GULP1: variants seen among roughly 807,000 people sequenced by gnomAD.
GULP1 encodes GULP PTB domain containing engulfment adaptor 1.
A neutral mutation model predicts 40.9 loss-of-function variants in GULP1; 19 were observed. The observed-to-expected ratio is 0.46, with a 90% confidence interval of 0.32 to 0.68. The LOEUF (loss-of-function observed/expected upper bound fraction) is 0.68. GULP1 is among the 30% of genes least tolerant of loss of function. GULP1 has a pLI of 0.03. For missense variants in GULP1, 312 were observed against 362.2 expected, an observed-to-expected ratio of 0.86 and a Z score of 1.12; for synonymous variants, 119 against 117.6, an observed-to-expected ratio of 1.01 and a Z score of -0.08.
intron 1 of GULP1, among the ~76,000 whole-genome samples, chr2:188,364,911 C>A (rs1271708685): frequency 1.4e-5 from 2 of 146,942 alleles, no homozygotes; most frequent in Non-Finnish European, 3.0e-5. Context: ...AATACACACA[C>A]ACACACATAT....
At chr2:188,430,074 T>TTA (rs2152813678) in intron 2 of GULP1, among the ~76,000 whole-genome samples, 1 of 152,268 alleles carries the variant, frequency 6.6e-6, no homozygotes, top group Admixed American at 6.5e-5. Flanking sequence ...CCCCTAGCAA[T>TTA]AGCTCTAAGT....
At chr2:188,323,650 A>ATG (rs112584285) in intron 1 of GULP1, among the ~76,000 whole-genome samples, 1,636 of 143,640 alleles carry the variant, frequency 0.011, 17 homozygotes, top group Non-Finnish European at 0.018. Flanking sequence ...ATCTGAAGAT[A>ATG]TGTGTGTGTG....
chr2:188,492,937 G>T (rs1324990361), intron 4 of GULP1, among the ~76,000 whole-genome samples: 1 of 151,992 alleles, frequency 6.6e-6, no homozygotes, highest in Non-Finnish European at 1.5e-5. Flanking sequence ...TTAAATTTCT[G>T]CCTGGTAGCA....
chr2:188,324,498 T>A lies in GULP1; in HGVS notation c.-172+32332T>A, dbSNP rs189880710. ...CTCCCTTATTAGATGCCTGTACATT[T>A]TAAGTTGAACTTTAAAGACATTGAA... On this transcript the variant is annotated intron_variant, in intron 1 of 11. Coordinates refer to ENST00000409830, the MANE Select transcript of GULP1 (RefSeq NM_016315.4). Among the ~76,000 whole-genome samples, 1,117 of 152,228 alleles carry A rather than the reference T, an allele frequency of 7.3e-3. 8 individuals are homozygous for A. Among genetic ancestry groups the A allele is most frequent in the African/African-American group, 0.026 (1,063 of 41,560 alleles).
intron 4 of GULP1, among the ~76,000 whole-genome samples, chr2:188,494,432 A>G (rs1025911669): frequency 2.0e-5 from 3 of 151,962 alleles, no homozygotes; most frequent in African/African-American, 7.2e-5. Flanking sequence ...ATCTTATAGT[A>G]ATATATATAT....
In GULP1 at chr2:188,407,795, A is replaced by C. The variant is rs558086250; in HGVS notation, c.-45+23906A>C. On this transcript the variant is annotated intron_variant, in intron 2 of 11. Transcript: ENST00000409830. ...GGCAGTAATAAATCGTTTCCTATCA[A>C]TAATTACCTTGAATGTTAATGGATT... 2.0e-5 allele frequency among the ~76,000 whole-genome samples: 3 copies of C among 152,348 alleles called. No homozygotes were observed. In the South Asian group the frequency reaches 6.2e-4, roughly 32 times the overall value.
chr2:188,385,725 CCT>C (rs1057044141), intron 2 of GULP1, among the ~76,000 whole-genome samples: 1 of 152,146 alleles, frequency 6.6e-6, no homozygotes, highest in African/African-American at 2.4e-5. Flanking sequence ...CCCGAAATCA[CCT>C]CTCTCAAGTT....
rs892271245 is a variant in GULP1, at chr2:188,595,302, T to G, written c.*1291T>G. 5.3e-5 allele frequency: 8 copies of G among 151,786 alleles called. No homozygotes were observed. The highest frequency in any genetic ancestry group is 1.0e-4 in the Non-Finnish European group (7 of 67,724). 9.4% of individuals were successfully genotyped at this position (151,786 alleles called of 1,614,324 possible). On this transcript the variant is annotated 3_prime_UTR_variant, in exon 12 of 12. Transcript: ENST00000409830. Reference sequence around the variant, plus strand: ...TAAATTAAATTAATGAAAATGTGACTTAGAGTAGGGGTAGCCCTCAAAAAT... The same window carrying G: ...TAAATTAAATTAATGAAAATGTGACGTAGAGTAGGGGTAGCCCTCAAAAAT...
At chr2:188,406,332 A>G (rs1575052542) in intron 2 of GULP1, among the ~76,000 whole-genome samples, 1 of 152,200 alleles carries the variant, frequency 6.6e-6, no homozygotes, top group African/African-American at 2.4e-5. Context: ...TGAAAATACT[A>G]TATTATAATC....
At chr2:188,329,893 A>G (rs577548003) in intron 1 of GULP1, among the ~76,000 whole-genome samples, 43 of 152,134 alleles carry the variant, frequency 2.8e-4, no homozygotes, top group Middle Eastern at 3.2e-3. Flanking sequence ...AACTGGGTGG[A>G]TGGATCTGTC....
intron 4 of GULP1, among the ~76,000 whole-genome samples, chr2:188,501,650 C>T (rs966206040): frequency 1.3e-5 from 2 of 151,950 alleles, no homozygotes; most frequent in East Asian, 3.9e-4. Flanking sequence ...AAAGATGTTT[C>T]CGCGTCTTAG....
chr2:188,469,332 A>G (rs968512773), intron 2 of GULP1, among the ~76,000 whole-genome samples: 1 of 152,224 alleles, frequency 6.6e-6, no homozygotes, highest in Admixed American at 6.5e-5. Flanking sequence ...TTTCTGGAAC[A>G]CAAAGGTGTG....
intron 7 of GULP1, among the ~76,000 whole-genome samples, chr2:188,560,563 G>A (rs1437089165): frequency 1.3e-5 from 2 of 152,248 alleles, no homozygotes; most frequent in East Asian, 3.9e-4. Context: ...TAGTTTTATA[G>A]CAATGCCCCA....
chr2:188,326,775 CAGTA>C (rs1243289711), intron 1 of GULP1, among the ~76,000 whole-genome samples: 1 of 151,966 alleles, frequency 6.6e-6, no homozygotes, highest in African/African-American at 2.4e-5. Context: ...CAAAGCAGTC[CAGTA>C]ATGATTAGGG....
chr2:188,368,728 A>G (rs903931842), intron 1 of GULP1, among the ~76,000 whole-genome samples: 2 of 151,618 alleles, frequency 1.3e-5, no homozygotes, highest in Non-Finnish European at 2.9e-5. Context: ...ACCACAGCAT[A>G]GGTTTATTTG....
At chr2:188,549,284 A>G (rs1692831640) in intron 7 of GULP1, among the ~76,000 whole-genome samples, 1 of 151,954 alleles carries the variant, frequency 6.6e-6, no homozygotes, top group Non-Finnish European at 1.5e-5. Flanking sequence ...TAACTAGTAA[A>G]AAATCATTCA....
In GULP1 at chr2:188,340,707, A is replaced by G. The variant is rs1015684466; in HGVS notation, c.-171-43056A>G. 2.6e-5 allele frequency among the ~76,000 whole-genome samples: 4 copies of G among 152,074 alleles called. No homozygotes were observed. In the East Asian group the frequency reaches 7.7e-4, roughly 29 times the overall value. On this transcript the variant is annotated intron_variant, in intron 1 of 11. Coordinates refer to ENST00000409830, the MANE Select transcript of GULP1 (RefSeq NM_016315.4). ...AGCCTTTAGCATCAGCACCCGTCACACCCGAGCTCTTTTTCGGCATCCGGG... is the reference window on the plus strand; with the variant it reads ...AGCCTTTAGCATCAGCACCCGTCACGCCCGAGCTCTTTTTCGGCATCCGGG...
chr2:188,302,746 AG>A lies in GULP1; in HGVS notation c.-172+10581del, dbSNP rs567987132. 1.9e-3 allele frequency among the ~76,000 whole-genome samples: 290 copies of A among 152,266 alleles called. 1 individual carries two copies. The highest frequency in any genetic ancestry group is 3.4e-3 in the Admixed American group (52 of 15,292). ...TGTTCTGATCTGCATTGCCAAATTT[AG>A]CAAGAATCCTGCTAAGTGTCTTTGG... is the stretch of plus-strand genomic sequence containing the variant. On this transcript the variant is annotated intron_variant, in intron 1 of 11. Coordinates refer to ENST00000409830, the MANE Select transcript of GULP1 (RefSeq NM_016315.4).
At chr2:188,489,065 C>T (rs752552257) in intron 4 of GULP1, among the ~76,000 whole-genome samples, 2 of 151,668 alleles carry the variant, frequency 1.3e-5, no homozygotes, top group Non-Finnish European at 2.9e-5. Flanking sequence ...TGATAAATTA[C>T]CCTTCAATGA....
Sources: gnomAD v4.1 joint callset for allele counts (sites outside exome capture counted in the v4.1 genomes callset) on GRCh38, gnomAD v4.1.1 for gene constraint, MANE v1.5 for transcripts, NCBI Gene and HGNC (gene_info 2026-07-23, HGNC 2026-07-21) for gene names.